The following RABGAP1 variants were observed in gnomAD, a reference collection of about 807,000 sequenced individuals.
The protein encoded by RABGAP1 is RAB GTPase activating protein 1.
Under a neutral mutation model 137.6 loss-of-function variants are expected in RABGAP1, and 23 were observed. The ratio of observed to expected loss-of-function variants is 0.17; its 90% CI spans 0.12 to 0.24. The LOEUF (loss-of-function observed/expected upper bound fraction) is 0.24. Ranked by LOEUF, RABGAP1 falls within the 10% of genes least tolerant of loss-of-function variation. The probability of loss-of-function intolerance (pLI) is 1.00; values close to 1 mark genes in which losing one functional copy is unlikely to be tolerated. For synonymous variants in RABGAP1, 451 were observed against 450.7 expected (o/e 1.00, Z -0.01); for missense variants, 906 against 1,275.8 (o/e 0.71, Z 4.42).
chr9:123,039,371 C>T (rs981070238), intron 13 of RABGAP1, among the ~76,000 whole-genome samples: 1 of 152,138 alleles, frequency 6.6e-6, no homozygotes, highest in African/African-American at 2.4e-5. Context: ...TCTTTATCCC[C>T]ACAATCTGAC....
intron 13 of RABGAP1, chr9:123,035,066 A>G (rs1450864601): frequency 6.2e-7 from 1 of 1,613,646 alleles, no homozygotes; most frequent in African/African-American, 1.3e-5. Flanking sequence ...TCCTTTTTCC[A>G]CTGGGGCAAA....
At chr9:122,985,935 G>A (rs1432357227) in intron 3 of RABGAP1, among the ~76,000 whole-genome samples, 2 of 152,166 alleles carry the variant, frequency 1.3e-5, no homozygotes, top group East Asian at 3.8e-4. Context: ...TCTTTTAAGT[G>A]TCATGTAGGT....
intron 13 of RABGAP1, among the ~76,000 whole-genome samples, chr9:123,036,497 T>C (rs930835113): frequency 1.3e-5 from 2 of 152,244 alleles, no homozygotes; most frequent in African/African-American, 4.8e-5. Context: ...GGTGACTATA[T>C]ACAAAAATGT....
chr9:123,027,974 C>G lies in RABGAP1; in HGVS notation c.1794+7515C>G, dbSNP rs561730656. Reference sequence around the variant, plus strand: ...TAATTTTAAGCCCTATATCTTATCCCTGTGAAGTTATTTTCCTTTGTGTGA... The same window carrying G: ...TAATTTTAAGCCCTATATCTTATCCGTGTGAAGTTATTTTCCTTTGTGTGA... On this transcript the variant is annotated intron_variant, in intron 13 of 25. Coordinates refer to ENST00000373647, the MANE Select transcript of RABGAP1 (RefSeq NM_012197.4). Among the ~76,000 whole-genome samples the G allele has an allele frequency of 3.3e-5, 5 of 152,310 alleles. No individual in the cohort carries two copies. The East Asian group carries it at 9.6e-4, about 29-fold the overall frequency.
chr9:123,074,904 T>C (rs2034465592), intron 17 of RABGAP1, among the ~76,000 whole-genome samples: 1 of 152,174 alleles, frequency 6.6e-6, no homozygotes, highest in Non-Finnish European at 1.5e-5. Flanking sequence ...CCATCCAGTA[T>C]TTCCACTTTA....
intron 1 of RABGAP1, among the ~76,000 whole-genome samples, chr9:122,952,580 T>A (rs879728472): frequency 1.3e-4 from 20 of 152,160 alleles, no homozygotes; most frequent in South Asian, 1.0e-3. Context: ...TAAATTTTTT[T>A]AAAAAATTAC....
At chr9:123,011,469 G>A (rs1293169902) in intron 11 of RABGAP1, among the ~76,000 whole-genome samples, 16 of 151,950 alleles carry the variant, frequency 1.1e-4, no homozygotes, top group Middle Eastern at 3.4e-3. Flanking sequence ...TTTAGAGTGA[G>A]CACTGACTTT....
At chr9:122,998,563 T>G (rs1300944941) in intron 9 of RABGAP1, 34 bp from the exon 10 acceptor site, 1 of 1,419,518 alleles carries the variant, frequency 7.0e-7, no homozygotes, top group Non-Finnish European at 9.5e-7. Context: ...GTGTTTCTGA[T>G]TTACCTCTTC....
chr9:123,094,980 T>G (rs967874501), intron 21 of RABGAP1, among the ~76,000 whole-genome samples: 1 of 152,328 alleles, frequency 6.6e-6, no homozygotes, highest in Middle Eastern at 3.4e-3. Flanking sequence ...TGTACGTCAT[T>G]TCTTTTTCCC....
intron 2 of RABGAP1, among the ~76,000 whole-genome samples, chr9:122,973,064 G>A (rs1588193935): frequency 6.7e-6 from 1 of 149,358 alleles, no homozygotes; most frequent in Non-Finnish European, 1.5e-5. Flanking sequence ...AAAATGTTTT[G>A]ACAACTCATA....
chr9:122,969,076 C>G (rs939749474), intron 2 of RABGAP1, among the ~76,000 whole-genome samples: 1 of 152,210 alleles, frequency 6.6e-6, no homozygotes, highest in Non-Finnish European at 1.5e-5. Context: ...CCACAACCAA[C>G]TGCATGTATG....
chr9:123,044,399 G>A (rs1295480764), intron 13 of RABGAP1, among the ~76,000 whole-genome samples: 1 of 152,146 alleles, frequency 6.6e-6, no homozygotes, highest in Non-Finnish European at 1.5e-5. Context: ...AATCCCCCTA[G>A]AAGTATAGGC....
At chr9:122,958,475 A>G (rs535402603) in intron 2 of RABGAP1, among the ~76,000 whole-genome samples, 270 of 152,320 alleles carry the variant, frequency 1.8e-3, no homozygotes, top group African/African-American at 5.7e-3. Context: ...CTTGACTTTT[A>G]AAAATTTTTG....
chr9:122,960,172 G>C (rs1033801916), intron 2 of RABGAP1, among the ~76,000 whole-genome samples: 1 of 152,258 alleles, frequency 6.6e-6, no homozygotes, highest in African/African-American at 2.4e-5. Flanking sequence ...AGGAAACTAG[G>C]GAAAGACACA....
chr9:122,972,384 T>G (rs1835514692), intron 2 of RABGAP1, among the ~76,000 whole-genome samples: 1 of 152,220 alleles, frequency 6.6e-6, no homozygotes, highest in Non-Finnish European at 1.5e-5. Context: ...AATCTTGCGC[T>G]CATACAGCTT....
intron 15 of RABGAP1, among the ~76,000 whole-genome samples, chr9:123,071,964 AGATAAG>A (rs2034371177): frequency 6.6e-6 from 1 of 152,190 alleles, no homozygotes; most frequent in Admixed American, 6.5e-5. Context: ...TTTGAAGCCC[AGATAAG>A]GAGTCTGAAT....
intron 13 of RABGAP1, among the ~76,000 whole-genome samples, chr9:123,048,007 C>T (rs979212977): frequency 2.9e-5 from 4 of 136,060 alleles, no homozygotes; most frequent in African/African-American, 5.2e-5. Context: ...GGCGCGATCT[C>T]GGCCCACTGC....
At chr9:123,003,822 A>G (rs1294219194) in intron 10 of RABGAP1, among the ~76,000 whole-genome samples, 1 of 152,246 alleles carries the variant, frequency 6.6e-6, no homozygotes, top group African/African-American at 2.4e-5. Context: ...ATTTTCCAAT[A>G]GTGACATAAG....
chr9:122,948,552 C>G (rs1303348286), intron 1 of RABGAP1, among the ~76,000 whole-genome samples: 4 of 152,132 alleles, frequency 2.6e-5, no homozygotes, highest in Admixed American at 6.5e-5. Context: ...AATTGACACT[C>G]AAGAAGTAAT....
Sources: allele counts gnomAD v4.1 joint callset (sites outside exome capture counted in the v4.1 genomes callset), GRCh38; gene constraint gnomAD v4.1.1; transcripts MANE v1.5; gene names NCBI Gene and HGNC (gene_info 2026-07-23, HGNC 2026-07-21).